TNS3: variants seen among roughly 807,000 people sequenced by gnomAD.
TNS3 encodes the protein tensin 3, also known as tensin-3.
In TNS3, 45 loss-of-function variants were observed where a neutral mutation model predicts 140.9. The ratio of observed to expected loss-of-function variants is 0.32; its 90% CI spans 0.25 to 0.41. The LOEUF is 0.41. TNS3 is among the 10% of genes least tolerant of loss of function. The pLI, the probability that TNS3 is intolerant of heterozygous loss-of-function variation, is 1.00. For synonymous variants in TNS3, 815 were observed against 788.4 expected, an observed-to-expected ratio of 1.03 and a Z score of -0.56; for missense variants, 1,716 against 1,906.7, an observed-to-expected ratio of 0.90 and a Z score of 1.86.
chr7:47,307,158 A>G (rs1372226093), intron 20 of TNS3, among the ~76,000 whole-genome samples: 1 of 152,194 alleles, frequency 6.6e-6, no homozygotes, highest in Non-Finnish European at 1.5e-5. Context: ...TCATCATTCC[A>G]AGAGTTTCCT....
chr7:47,440,758 T>G (rs1476994813), intron 5 of TNS3, among the ~76,000 whole-genome samples: 2 of 152,178 alleles, frequency 1.3e-5, no homozygotes, highest in African/African-American at 4.8e-5. Flanking sequence ...GGTGCCCCCA[T>G]GAGGTAAAGC....
intron 3 of TNS3, among the ~76,000 whole-genome samples, chr7:47,485,511 G>T (rs1003700252): frequency 6.6e-6 from 1 of 152,206 alleles, no homozygotes; most frequent in African/African-American, 2.4e-5. Context: ...CTCCCTCAGG[G>T]ATTAGGGTGA....
At chr7:47,494,359 C>T (rs1797922273) in intron 3 of TNS3, among the ~76,000 whole-genome samples, 1 of 149,564 alleles carries the variant, frequency 6.7e-6, no homozygotes, top group East Asian at 1.9e-4. Flanking sequence ...GAGGTTCAAT[C>T]GACTCCCCTC....
intron 24 of TNS3, among the ~76,000 whole-genome samples, chr7:47,295,709 C>T (rs1280007453): frequency 6.6e-6 from 1 of 152,168 alleles, no homozygotes; most frequent in African/African-American, 2.4e-5. Flanking sequence ...ACTCCCCACC[C>T]CTTCCACTCT....
At chr7:47,283,612 A>G in intron 28 of TNS3, 85 bp downstream of exon 28, 1 of 1,299,442 alleles carries the variant, frequency 7.7e-7, no homozygotes, top group Non-Finnish European at 1.0e-6. Context: ...ATTTACCTGG[A>G]TGACTACTCA....
At chr7:47,484,503 G>A (rs1433360685) in intron 3 of TNS3, among the ~76,000 whole-genome samples, 2 of 152,184 alleles carry the variant, frequency 1.3e-5, no homozygotes, top group African/African-American at 4.8e-5. Context: ...AGGCGGCCGG[G>A]CTGGGGATGC....
intron 1 of TNS3, among the ~76,000 whole-genome samples, chr7:47,564,193 CAAAA>C (rs57005793): frequency 1.0e-5 from 1 of 97,932 alleles, no homozygotes. Flanking sequence ...GACTCTGTCT[CAAAA>C]AAAAAAAAAA....
chr7:47,406,044 A>G (rs700755), intron 13 of TNS3, among the ~76,000 whole-genome samples: 71,913 of 151,966 alleles, frequency 0.47, 17,237 homozygotes, highest in Non-Finnish European at 0.5. Context: ...ACTCCTGATG[A>G]GCCCGCTGCC....
chr7:47,280,529 C>A (rs1286948700), intron 28 of TNS3, among the ~76,000 whole-genome samples, 175 bp from the exon 29 acceptor site: 1 of 152,198 alleles, frequency 6.6e-6, no homozygotes, highest in Non-Finnish European at 1.5e-5. Flanking sequence ...CAACAGATGT[C>A]ATGAAGCTGG....
intron 3 of TNS3, among the ~76,000 whole-genome samples, chr7:47,493,741 T>C (rs1239952580): frequency 2.7e-5 from 4 of 148,040 alleles, no homozygotes; most frequent in African/African-American, 5.0e-5. Context: ...GGCAGGAGAA[T>C]GGCATGAACC....
intron 2 of TNS3, among the ~76,000 whole-genome samples, chr7:47,528,056 G>A (rs1799262783): frequency 6.6e-6 from 1 of 152,132 alleles, no homozygotes; most frequent in Admixed American, 6.6e-5. Context: ...CGACCAGGGT[G>A]GCCGGTACCC....
At chr7:47,280,784 G>A (rs1029953194) in intron 28 of TNS3, among the ~76,000 whole-genome samples, 2 of 152,198 alleles carry the variant, frequency 1.3e-5, no homozygotes, top group African/African-American at 2.4e-5. Flanking sequence ...GTGGTGACAT[G>A]TGCCTGTAAT....
At chr7:47,368,241 C>T (rs1235415118) in intron 17 of TNS3, 124 bp downstream of exon 17, 1 of 1,051,818 alleles carries the variant, frequency 9.5e-7, no homozygotes. Flanking sequence ...GTTGAAACTG[C>T]AAGGGAAATG....
At chr7:47,296,230 T>C (rs975487296) in intron 24 of TNS3, among the ~76,000 whole-genome samples, 15 of 151,886 alleles carry the variant, frequency 9.9e-5, no homozygotes, top group African/African-American at 3.4e-4. Flanking sequence ...CAATTGGCTG[T>C]AGGATTTTCA....
chr7:47,414,845 T>A (rs531760771), intron 11 of TNS3, among the ~76,000 whole-genome samples: 1 of 152,072 alleles, frequency 6.6e-6, no homozygotes, highest in African/African-American at 2.4e-5. Context: ...ACTGTGCATA[T>A]ACACAGGGGT....
chr7:47,400,756 A>T, intron 14 of TNS3, 29 bp downstream of exon 14: 2 of 1,610,394 alleles, frequency 1.2e-6, no homozygotes, highest in Non-Finnish European at 1.7e-6. Flanking sequence ...GCTGCCCACA[A>T]GCACAGGGCC....
chr7:47,301,458 G>A (rs1786397110), intron 23 of TNS3, among the ~76,000 whole-genome samples: 1 of 152,134 alleles, frequency 6.6e-6, no homozygotes, highest in South Asian at 2.1e-4. Context: ...ACAGCCGAGG[G>A]AAGCACCTTA....
chr7:47,554,892 G>T (rs1173258359), intron 1 of TNS3, among the ~76,000 whole-genome samples: 1 of 152,038 alleles, frequency 6.6e-6, no homozygotes, highest in Non-Finnish European at 1.5e-5. Flanking sequence ...GCTGGGCATG[G>T]TAGTGTGCGC....
chr7:47,388,824 G>C (rs1054926331), intron 16 of TNS3, among the ~76,000 whole-genome samples: 1 of 151,818 alleles, frequency 6.6e-6, no homozygotes, highest in East Asian at 1.9e-4. Context: ...CCAAGATTGG[G>C]CAGCTGCACT....
Sources: allele counts gnomAD v4.1 joint callset (sites outside exome capture counted in the v4.1 genomes callset), GRCh38; gene constraint gnomAD v4.1.1; transcripts MANE v1.5; gene names NCBI Gene and HGNC (gene_info 2026-07-23, HGNC 2026-07-21).